Variants in PRIMA1 observed in about 807,000 individuals in gnomAD.
The protein encoded by PRIMA1 is proline-rich membrane anchor 1.
A neutral mutation model predicts 17.5 loss-of-function variants in PRIMA1; 7 were observed. The ratio of observed to expected loss-of-function variants is 0.40; its 90% CI spans 0.23 to 0.75. The LOEUF is 0.75. PRIMA1 is among the 30% of genes least tolerant of loss of function. The probability of loss-of-function intolerance (pLI) is 0.37; values close to 1 mark genes in which losing one functional copy is unlikely to be tolerated. For missense variants in PRIMA1, 200 were observed against 201.8 expected, an observed-to-expected ratio of 0.99 and a Z score of 0.05; for synonymous variants, 97 against 77.9, an observed-to-expected ratio of 1.25 and a Z score of -1.29.
intron 3 of PRIMA1, among the ~76,000 whole-genome samples, chr14:93,763,500 G>A (rs1017850336): frequency 2.6e-5 from 4 of 152,136 alleles, no homozygotes; most frequent in Non-Finnish European, 4.4e-5. Flanking sequence ...TCACACCACC[G>A]ATTGTCTTCC....
chr14:93,745,125 A>G (rs1471590684), intron 3 of PRIMA1, among the ~76,000 whole-genome samples: 1 of 151,984 alleles, frequency 6.6e-6, no homozygotes, highest in Non-Finnish European at 1.5e-5. Context: ...CATGCCAACC[A>G]TGCCCCTTCC....
At chr14:93,733,689 G>T (rs538271473) in intron 4 of PRIMA1, among the ~76,000 whole-genome samples, 5 of 152,306 alleles carry the variant, frequency 3.3e-5, no homozygotes, top group Admixed American at 3.3e-4. Context: ...AAAGAGTAGG[G>T]TTTATCACTA....
At chr14:93,741,005 TCA>T (rs1246583944) in intron 3 of PRIMA1, among the ~76,000 whole-genome samples, 20 of 152,342 alleles carry the variant, frequency 1.3e-4, no homozygotes, top group Admixed American at 1.3e-3. Flanking sequence ...AGCCCATGGT[TCA>T]CAGTATCCTG....
At chr14:93,775,528 C>T (rs770910753) in intron 3 of PRIMA1, among the ~76,000 whole-genome samples, 25 of 152,256 alleles carry the variant, frequency 1.6e-4, no homozygotes, top group Middle Eastern at 3.4e-3. Context: ...GGCAGAGTTA[C>T]GCTCTTATTG....
intron 3 of PRIMA1, among the ~76,000 whole-genome samples, chr14:93,745,621 C>A (rs1445443636): frequency 6.6e-6 from 1 of 152,204 alleles, no homozygotes; most frequent in Non-Finnish European, 1.5e-5. Flanking sequence ...TTCCCTCTGC[C>A]CTCTGAGTGG....
intron 3 of PRIMA1, among the ~76,000 whole-genome samples, chr14:93,774,748 T>C (rs1885162161): frequency 6.6e-6 from 1 of 152,240 alleles, no homozygotes. Flanking sequence ...AAGTCTGGCT[T>C]GCACTCACAG....
At chr14:93,761,780 A>G (rs1884733701) in intron 3 of PRIMA1, among the ~76,000 whole-genome samples, 2 of 152,162 alleles carry the variant, frequency 1.3e-5, no homozygotes, top group Admixed American at 6.5e-5. Flanking sequence ...TGAATAAATG[A>G]CTGAACGGAC....
chr14:93,760,784 T>C (rs999637955), intron 3 of PRIMA1, among the ~76,000 whole-genome samples: 11 of 152,154 alleles, frequency 7.2e-5, no homozygotes, highest in Admixed American at 2.6e-4. Context: ...AGCAAACACT[T>C]GTTGGCCTCA....
At chr14:93,777,791 C>T (rs7154115) in intron 3 of PRIMA1, among the ~76,000 whole-genome samples, 76,019 of 152,054 alleles carry the variant, frequency 0.5, 19,206 homozygotes, top group Admixed American at 0.57. Flanking sequence ...CCTGGGAGGG[C>T]TGAGATTCCA....
At chr14:93,772,325 T>A (rs1011079487) in intron 3 of PRIMA1, among the ~76,000 whole-genome samples, 2 of 152,208 alleles carry the variant, frequency 1.3e-5, no homozygotes, top group African/African-American at 4.8e-5. Context: ...CCCAATAAAA[T>A]CTCTATCAGT....
In PRIMA1 at chr14:93,783,373, CA is replaced by C. The variant is rs1885435436; in HGVS notation, c.94-4063del. Among the ~76,000 whole-genome samples the C allele has an allele frequency of 2.0e-5, 3 of 152,344 alleles. No homozygotes were observed. In the South Asian group the frequency reaches 6.2e-4, roughly 32 times the overall value. On this transcript the variant is annotated intron_variant, in intron 2 of 4. Transcript: ENST00000393140. ...CCCAAGGCCCAGCATTCAGTTGGCACAATGCCCACCAGTGGGGAAACACAGG... is the reference window on the plus strand; with the variant it reads ...CCCAAGGCCCAGCATTCAGTTGGCACATGCCCACCAGTGGGGAAACACAGG...
chr14:93,776,158 G>A (rs1293733696), intron 3 of PRIMA1, among the ~76,000 whole-genome samples: 1 of 152,234 alleles, frequency 6.6e-6, no homozygotes, highest in African/African-American at 2.4e-5. Flanking sequence ...GACAGAGCCA[G>A]AGACAGAAAT....
chr14:93,775,374 T>C (rs1487546735), intron 3 of PRIMA1, among the ~76,000 whole-genome samples: 1 of 152,252 alleles, frequency 6.6e-6, no homozygotes, highest in Non-Finnish European at 1.5e-5. Flanking sequence ...TGGAGCTCAG[T>C]GTGCACCTGT....
chr14:93,785,416 G>A (rs1176629435), intron 2 of PRIMA1, among the ~76,000 whole-genome samples: 2 of 152,196 alleles, frequency 1.3e-5, no homozygotes, highest in African/African-American at 4.8e-5. Flanking sequence ...AGAACCTGGT[G>A]CTTTGGGGGA....
At chr14:93,724,690 G>T (rs1308203815) in intron 4 of PRIMA1, among the ~76,000 whole-genome samples, 3 of 152,204 alleles carry the variant, frequency 2.0e-5, no homozygotes, top group Admixed American at 2.0e-4. Flanking sequence ...GGGAAGAAAG[G>T]ACATCAGCAT....
intron 2 of PRIMA1, among the ~76,000 whole-genome samples, chr14:93,783,613 G>T (rs774847955): frequency 2.6e-5 from 4 of 152,230 alleles, no homozygotes; most frequent in Non-Finnish European, 4.4e-5. Context: ...CAGAGGCCCA[G>T]AAAAGTCAGT....
At chr14:93,765,406 C>T (rs1884858498) in intron 3 of PRIMA1, among the ~76,000 whole-genome samples, 1 of 149,706 alleles carries the variant, frequency 6.7e-6, no homozygotes, top group Non-Finnish European at 1.5e-5. Flanking sequence ...ATAGGTTAGA[C>T]TGGTTGCTTT....
chr14:93,746,082 C>T (rs1041981626), intron 3 of PRIMA1, among the ~76,000 whole-genome samples: 6 of 152,078 alleles, frequency 3.9e-5, no homozygotes, highest in African/African-American at 1.4e-4. Context: ...GAGGCGGGCT[C>T]AGCCTAGGAG....
In PRIMA1 at chr14:93,718,430, CTTG is replaced by C. The variant is rs2076017028; in HGVS notation, c.*3011_*3013del. 1 of 152,532 alleles carries C rather than the reference CTTG, an allele frequency of 6.6e-6. No individual in the cohort carries two copies. The highest frequency in any genetic ancestry group is 1.5e-5 in the Non-Finnish European group (1 of 68,038). 9.4% of individuals were successfully genotyped at this position (152,532 alleles called of 1,614,324 possible). A position where few individuals can be genotyped will look rare whatever the true frequency, so the allele number is the denominator to read the frequency against. On this transcript the variant is annotated 3_prime_UTR_variant, in exon 5 of 5. Transcript: ENST00000393140. ...CTCAGCAGGAAACCAACCTTAATGG[CTTG>C]TTGGTGGATAAGACGGCATCAACTT...
Sources: allele counts gnomAD v4.1 joint callset (sites outside exome capture counted in the v4.1 genomes callset), GRCh38; gene constraint gnomAD v4.1.1; transcripts MANE v1.5; gene names NCBI Gene and HGNC (gene_info 2026-07-23, HGNC 2026-07-21).